Variants in CTTNBP2NL observed in about 807,000 individuals in gnomAD.
CTTNBP2NL encodes CTTNBP2 N-terminal like, also known as CTTNBP2 N-terminal-like protein.
Under a neutral mutation model 32.5 loss-of-function variants are expected in CTTNBP2NL, and 16 were observed. That is an observed-to-expected ratio of 0.49 (90% confidence interval 0.33 to 0.75). The LOEUF (loss-of-function observed/expected upper bound fraction) is 0.75. Ranked by LOEUF, CTTNBP2NL falls within the 30% of genes least tolerant of loss-of-function variation. CTTNBP2NL has a pLI of 0.02. For missense variants in CTTNBP2NL, 645 were observed against 756.0 expected (o/e 0.85, Z 1.72); for synonymous variants, 298 against 289.4 (o/e 1.03, Z -0.30).
chr1:112,446,829 CATGAGATG>C (rs1458147334), intron 3 of CTTNBP2NL, among the ~76,000 whole-genome samples: 1 of 152,154 alleles, frequency 6.6e-6, no homozygotes, highest in African/African-American at 2.4e-5. Flanking sequence ...GGATTACAGA[CATGAGATG>C]CTGCGGCCGG....
intron 1 of CTTNBP2NL, among the ~76,000 whole-genome samples, chr1:112,411,044 G>C (rs943450876): frequency 8.5e-5 from 13 of 152,114 alleles, no homozygotes; most frequent in Non-Finnish European, 1.8e-4. Flanking sequence ...ACATAATTCT[G>C]CCCATATATT....
intron 1 of CTTNBP2NL, 41 bp from the exon 2 acceptor site, chr1:112,412,153 A>G (rs1648891439): frequency 1.3e-5 from 2 of 152,228 alleles, no homozygotes; most frequent in South Asian, 4.1e-4. Flanking sequence ...AGTTGTTTAT[A>G]GTATAATCAC....
In CTTNBP2NL at chr1:112,461,155, G is replaced by C. The variant is rs1650541400; in HGVS notation, c.*3743G>C. The C allele has an allele frequency of 6.6e-6, 1 of 152,110 alleles. No homozygotes were observed. The highest frequency in any genetic ancestry group is 2.4e-5 in the African/African-American group (1 of 41,416). The allele number at this position is 152,110 out of a possible 1,614,324, so 9.4% of individuals were successfully genotyped here. ...AATTCATTAGTAAAAATAAAGGAGGGGAAAGGAGACTGGAGTAGTGGTTCT... is the reference window on the plus strand; with the variant it reads ...AATTCATTAGTAAAAATAAAGGAGGCGAAAGGAGACTGGAGTAGTGGTTCT... On this transcript the variant is annotated 3_prime_UTR_variant, in exon 6 of 6. Coordinates refer to ENST00000271277, the MANE Select transcript of CTTNBP2NL (RefSeq NM_018704.3).
At chr1:112,408,061 G>C (rs944215417) in intron 1 of CTTNBP2NL, among the ~76,000 whole-genome samples, 1 of 151,450 alleles carries the variant, frequency 6.6e-6, no homozygotes, top group Admixed American at 6.6e-5. Flanking sequence ...TGTCCAGGCT[G>C]GTCTCAAACT....
In CTTNBP2NL at chr1:112,460,962, G is replaced by A. The variant is rs1650536239; in HGVS notation, c.*3550G>A. The A allele has an allele frequency of 6.6e-6, 1 of 152,070 alleles. No homozygotes were observed. The highest frequency in any genetic ancestry group is 2.1e-4 in the South Asian group (1 of 4,808). The allele number at this position is 152,070 out of a possible 1,614,324, so 9.4% of individuals were successfully genotyped here. On this transcript the variant is annotated 3_prime_UTR_variant, in exon 6 of 6. Coordinates refer to ENST00000271277, the MANE Select transcript of CTTNBP2NL (RefSeq NM_018704.3). ...CTTCTGATGCTTAGTCCTTGAAATGGAACTTCAACTGTCTTTCAAAACACT... is the reference window on the plus strand; with the variant it reads ...CTTCTGATGCTTAGTCCTTGAAATGAAACTTCAACTGTCTTTCAAAACACT...
At chr1:112,392,333 T>C (rs746609142), upstream of CTTNBP2NL, among the ~76,000 whole-genome samples, 3 of 152,228 alleles carry the variant, frequency 2.0e-5, no homozygotes, top group Non-Finnish European at 2.9e-5. Flanking sequence ...ATATAAAAAA[T>C]TGCATAATGC....
chr1:112,429,258 T>G (rs2101014171), intron 3 of CTTNBP2NL, among the ~76,000 whole-genome samples: 1 of 152,328 alleles, frequency 6.6e-6, no homozygotes. Flanking sequence ...ATGTGTTTCA[T>G]TAAAAACTGT....
At chr1:112,428,444 T>C (rs1165876863) in intron 3 of CTTNBP2NL, among the ~76,000 whole-genome samples, 1 of 152,174 alleles carries the variant, frequency 6.6e-6, no homozygotes, top group Non-Finnish European at 1.5e-5. Context: ...GATATTAAGT[T>C]AATATTATTT....
intron 3 of CTTNBP2NL, among the ~76,000 whole-genome samples, chr1:112,418,755 T>C (rs995466844): frequency 6.6e-6 from 1 of 152,070 alleles, no homozygotes; most frequent in Non-Finnish European, 1.5e-5. Context: ...CAAGCAAATC[T>C]AGTAAATGGC....
intron 3 of CTTNBP2NL, among the ~76,000 whole-genome samples, chr1:112,423,396 A>G (rs1649290025): frequency 6.6e-6 from 1 of 152,208 alleles, no homozygotes; most frequent in South Asian, 2.1e-4. Flanking sequence ...AGTATGTAAG[A>G]TCATACATAT....
chr1:112,454,453 T>G lies in CTTNBP2NL; in HGVS notation c.335T>G (p.Ile112Ser). The change falls in exon 5 of 6, where the codon ATC becomes AGC. Residue 112 changes from isoleucine to serine, a missense_variant. Physicochemically the swap from Ile to Ser is moderately radical, Grantham distance 142. Transcript: ENST00000271277. ...AAAESRHRKV[I>S]LDLEEERQRH... ...AATTTAAAAAATTCTTTAAAGGTGATCCTAGACCTTGAGGAAGAAAGGCAG... is the reference window on the plus strand; with the variant it reads ...AATTTAAAAAATTCTTTAAAGGTGAGCCTAGACCTTGAGGAAGAAAGGCAG... 2 of 1,612,562 alleles carry G rather than the reference T, an allele frequency of 1.2e-6. No homozygotes were observed. The highest frequency in any genetic ancestry group is 1.7e-6 in the Non-Finnish European group (2 of 1,178,634).
rs562381329 is a variant in CTTNBP2NL, at chr1:112,422,127, G to C, written c.99+5863G>C. On this transcript the variant is annotated intron_variant, in intron 3 of 5. Transcript: ENST00000271277. ...TTTATGCCCCTTAGTGACCTCTCCT[G>C]CTCAACTTTCCCCACTACTCTCTGC... Among the ~76,000 whole-genome samples, 6 of 152,058 alleles carry C rather than the reference G, an allele frequency of 3.9e-5. No homozygotes were observed. The South Asian group carries it at 6.2e-4, about 16-fold the overall frequency.
chr1:112,399,934 T>C (rs2100988959), intron 1 of CTTNBP2NL, among the ~76,000 whole-genome samples: 1 of 151,772 alleles, frequency 6.6e-6, no homozygotes, highest in Non-Finnish European at 1.5e-5. Flanking sequence ...CCAGGCATGG[T>C]GATGGTCACC....
At chr1:112,415,512 A>C (rs768878064) in intron 2 of CTTNBP2NL, among the ~76,000 whole-genome samples, 1 of 151,744 alleles carries the variant, frequency 6.6e-6, no homozygotes. Context: ...TCATTATAAC[A>C]CAATTTTACC....
intron 3 of CTTNBP2NL, among the ~76,000 whole-genome samples, chr1:112,435,030 C>A (rs1338075469): frequency 2.6e-5 from 4 of 151,054 alleles, no homozygotes; most frequent in African/African-American, 9.7e-5. Flanking sequence ...GTAATCCCAG[C>A]TACTCTGGAG....
intron 1 of CTTNBP2NL, among the ~76,000 whole-genome samples, chr1:112,400,917 G>A (rs543680279): frequency 3.7e-3 from 514 of 139,352 alleles, no homozygotes; most frequent in Admixed American, 7.4e-3. Context: ...AGTGAGCTAA[G>A]ATTGTGTCAC....
chr1:112,431,017 G>A lies in CTTNBP2NL; in HGVS notation c.99+14753G>A, dbSNP rs192785770. Among the ~76,000 whole-genome samples the A allele has an allele frequency of 2.9e-3, 440 of 152,272 alleles. 2 individuals carry two copies. The highest frequency in any genetic ancestry group is 9.8e-3 in the African/African-American group (407 of 41,568). On this transcript the variant is annotated intron_variant, in intron 3 of 5. Coordinates refer to ENST00000271277, the MANE Select transcript of CTTNBP2NL (RefSeq NM_018704.3). ...TGCCAGAAGAATAAGCAAATTTCTC[G>A]TTTGACTGATGTCTTCCTGTGGGTT...
intron 3 of CTTNBP2NL, among the ~76,000 whole-genome samples, chr1:112,419,810 T>C (rs1649168840): frequency 6.6e-6 from 1 of 152,202 alleles, no homozygotes; most frequent in Non-Finnish European, 1.5e-5. Context: ...GTTGAAACAT[T>C]CTCTGGCACC....
At chr1:112,416,288 G>A (rs201879362) in intron 3 of CTTNBP2NL, 24 bp downstream of exon 3, 9 of 1,067,636 alleles carry the variant, frequency 8.4e-6, no homozygotes, top group South Asian at 1.4e-5. Flanking sequence ...AAAAAAAAAA[G>A]AGGTCATCAT....
Sources: allele counts gnomAD v4.1 joint callset (sites outside exome capture counted in the v4.1 genomes callset), GRCh38; gene constraint gnomAD v4.1.1; transcripts MANE v1.5; gene names NCBI Gene and HGNC (gene_info 2026-07-23, HGNC 2026-07-21).